The following CNOT6 variants were observed in gnomAD, a reference collection of about 807,000 sequenced individuals.
The protein encoded by CNOT6 is CCR4-NOT transcription complex subunit 6.
Under a neutral mutation model 61.2 loss-of-function variants are expected in CNOT6, and 12 were observed. The ratio of observed to expected loss-of-function variants is 0.20; its 90% confidence interval spans 0.13 to 0.32. The LOEUF is 0.32. Among genes scored for constraint, CNOT6 ranks in the 10% least tolerant of loss-of-function variants. The pLI, the probability that CNOT6 is intolerant of heterozygous loss-of-function variation, is 1.00. For missense variants in CNOT6, 405 were observed against 663.9 expected (o/e 0.61, Z 4.28); for synonymous variants, 225 against 240.6 (o/e 0.94, Z 0.60).
intron 2 of CNOT6, among the ~76,000 whole-genome samples, chr5:180,545,142 ATTTTATTATACAGT>A (rs2127738801): frequency 6.6e-6 from 1 of 152,314 alleles, no homozygotes; most frequent in African/African-American, 2.4e-5. Context: ...ATTAAGATAG[ATTTTATTATACAGT>A]TTTACTGAAG....
At chr5:180,503,050 G>A (rs1158182478) in intron 1 of CNOT6, among the ~76,000 whole-genome samples, 2 of 152,006 alleles carry the variant, frequency 1.3e-5, no homozygotes, top group African/African-American at 4.8e-5. Flanking sequence ...AAGATTTAGG[G>A]GTTCATAGCC....
At position 180,574,690 on chromosome 5, in the gene CNOT6, T is replaced by C. The variant is rs1403247283; in HGVS notation, c.*490T>C. 1 of 156,768 alleles carries C rather than the reference T, an allele frequency of 6.4e-6. No individual in the cohort carries two copies. Among genetic ancestry groups the C allele is most frequent in the African/African-American group, 2.4e-5 (1 of 41,490 alleles). The allele number at this position is 156,768 out of a possible 1,614,324, so 9.7% of individuals were successfully genotyped here. A position where few individuals can be genotyped will look rare whatever the true frequency, so the allele number is the denominator to read the frequency against. ...CACAGAAGACCTGATTTATGAAATTTTGTACTAAAATCATTTGGAAATGAT... is the reference window on the plus strand; with the variant it reads ...CACAGAAGACCTGATTTATGAAATTCTGTACTAAAATCATTTGGAAATGAT... On this transcript the variant is annotated 3_prime_UTR_variant, in exon 12 of 12. Transcript: ENST00000261951.
At chr5:180,523,193 G>A (rs909245824) in intron 1 of CNOT6, among the ~76,000 whole-genome samples, 3 of 152,182 alleles carry the variant, frequency 2.0e-5, no homozygotes, top group African/African-American at 7.2e-5. Context: ...AAGCGTTTGT[G>A]TTAAGTGTGA....
chr5:180,562,274 G>T (rs1760226258), intron 4 of CNOT6, among the ~76,000 whole-genome samples: 2 of 152,178 alleles, frequency 1.3e-5, no homozygotes, highest in African/African-American at 4.8e-5. Flanking sequence ...CTAGTGGGAA[G>T]AATAGGGAAA....
chr5:180,513,992 G>A (rs544410927), intron 1 of CNOT6, among the ~76,000 whole-genome samples: 10 of 150,228 alleles, frequency 6.7e-5, no homozygotes, highest in African/African-American at 1.5e-4. Context: ...GTGAGCCACC[G>A]GGCCCAGCCC....
At chr5:180,571,736 T>C (rs999243807) in intron 11 of CNOT6, among the ~76,000 whole-genome samples, 1 of 152,110 alleles carries the variant, frequency 6.6e-6, no homozygotes. Context: ...TGGCTAATTC[T>C]TGTATTTTTT....
In CNOT6 at chr5:180,549,387, T is replaced by C. The variant is rs7728892; in HGVS notation, c.113-544T>C. Among the ~76,000 whole-genome samples, 522 of 152,304 alleles carry C rather than the reference T, an allele frequency of 3.4e-3. 2 individuals are homozygous for C. Among genetic ancestry groups the C allele is most frequent in the African/African-American group, 6.9e-3 (288 of 41,572 alleles). On this transcript the variant is annotated intron_variant, in intron 2 of 11. Coordinates refer to ENST00000261951, the MANE Select transcript of CNOT6 (RefSeq NM_001370472.1). The stretch of plus-strand genomic sequence containing the variant: ...AAATTTGGCCGGGCACAGTGGCTCA[T>C]GCCTGTAACCCCAGCACTTTTGGAG...
At chr5:180,529,170 C>A in intron 1 of CNOT6, 105 bp from the exon 2 acceptor site, 1 of 688,608 alleles carries the variant, frequency 1.5e-6, no homozygotes, top group South Asian at 1.8e-5. Context: ...TGCACTCCAG[C>A]CTGGGTGACA....
intron 1 of CNOT6, among the ~76,000 whole-genome samples, chr5:180,525,747 A>G (rs1338928238): frequency 6.6e-6 from 1 of 152,120 alleles, no homozygotes; most frequent in African/African-American, 2.4e-5. Flanking sequence ...AAGAACTAGA[A>G]AAAACTAAAT....
chr5:180,523,996 T>TG (rs1757980971), intron 1 of CNOT6, among the ~76,000 whole-genome samples: 1 of 152,200 alleles, frequency 6.6e-6, no homozygotes. Flanking sequence ...TTGTGTTTCT[T>TG]TAAGTGAAAT....
intron 1 of CNOT6, among the ~76,000 whole-genome samples, chr5:180,501,762 G>T (rs1213378472): frequency 6.6e-6 from 1 of 152,214 alleles, no homozygotes. Context: ...GCATTGAAAT[G>T]GTTGAAGAGA....
intron 2 of CNOT6, among the ~76,000 whole-genome samples, chr5:180,541,326 A>T (rs537231365): frequency 1.3e-5 from 2 of 150,848 alleles, no homozygotes; most frequent in East Asian, 3.9e-4. Context: ...TTTAGTAGAC[A>T]CGGGGTTTCA....
At chr5:180,558,864 G>T (rs903193150) in intron 4 of CNOT6, among the ~76,000 whole-genome samples, 7 of 152,022 alleles carry the variant, frequency 4.6e-5, no homozygotes, top group Non-Finnish European at 1.0e-4. Flanking sequence ...GTTGGCTTCC[G>T]ACTCTTGAGG....
intron 2 of CNOT6, among the ~76,000 whole-genome samples, chr5:180,535,175 G>A (rs935964773): frequency 6.6e-6 from 1 of 152,290 alleles, no homozygotes; most frequent in African/African-American, 2.4e-5. Context: ...GGCTAGGAAG[G>A]GGGCGTCTGG....
chr5:180,540,173 G>A (rs1157037861), intron 2 of CNOT6, among the ~76,000 whole-genome samples: 2 of 152,012 alleles, frequency 1.3e-5, no homozygotes, highest in Non-Finnish European at 1.5e-5. Context: ...ACTGTTGGAC[G>A]CTTCCATTTT....
intron 1 of CNOT6, among the ~76,000 whole-genome samples, chr5:180,498,212 G>A (rs10464103): frequency 0.46 from 69,500 of 152,000 alleles, 17,120 homozygotes; most frequent in Non-Finnish European, 0.56. Flanking sequence ...TCTCCACTTC[G>A]CTCTTCTCTG....
chr5:180,572,752 TG>T (rs1261028711), intron 11 of CNOT6, among the ~76,000 whole-genome samples: 2 of 151,438 alleles, frequency 1.3e-5, no homozygotes, highest in Non-Finnish European at 2.9e-5. Context: ...GACAAGGTTT[TG>T]CTATATTGCC....
intron 1 of CNOT6, among the ~76,000 whole-genome samples, chr5:180,518,667 C>T (rs1275807306): frequency 6.6e-6 from 1 of 152,090 alleles, no homozygotes; most frequent in Admixed American, 6.6e-5. Flanking sequence ...TGGGTGATTT[C>T]TTTTTAGTTT....
chr5:180,525,574 A>G (rs1206631668), intron 1 of CNOT6, among the ~76,000 whole-genome samples: 2 of 151,754 alleles, frequency 1.3e-5, no homozygotes, highest in African/African-American at 4.8e-5. Context: ...ATTTCCTGTC[A>G]GCAGGGAGGC....
Sources: allele counts gnomAD v4.1 joint callset (sites outside exome capture counted in the v4.1 genomes callset), GRCh38; gene constraint gnomAD v4.1.1; transcripts MANE v1.5; gene names NCBI Gene and HGNC (gene_info 2026-07-23, HGNC 2026-07-21).